The following BRWD1 variants were observed in gnomAD, a reference collection of about 807,000 sequenced individuals.
BRWD1 encodes the protein bromodomain and WD repeat-containing protein 1.
BRWD1 carries 82 observed loss-of-function variants against 251.2 expected under a neutral mutation model. The ratio of observed to expected loss-of-function variants is 0.33; its 90% CI spans 0.27 to 0.39. The LOEUF (loss-of-function observed/expected upper bound fraction) is 0.39. Among genes scored for constraint, BRWD1 ranks in the 10% least tolerant of loss-of-function variants. The pLI is 1.00. For missense variants in BRWD1, 2,233 were observed against 2,711.6 expected, an observed-to-expected ratio of 0.82 and a Z score of 3.92; for synonymous variants, 918 against 902.8, an observed-to-expected ratio of 1.02 and a Z score of -0.30.
rs973173990 is a variant in BRWD1 at position 39,187,854 on chromosome 21, C to T, written c.*8405G>A. 1 of 984,396 alleles carries T rather than the reference C, an allele frequency of 1.0e-6. No homozygotes were observed. The highest frequency in any genetic ancestry group is 1.7e-5 in the African/African-American group (1 of 57,168). The allele number at this position is 984,396 out of a possible 1,614,324, so 61.0% of individuals were successfully genotyped here. ...TTAAGGAACCAAAAAGTGCAGAGTG[C>T]TATGAGAACACAGACTGGAAACCTA... On this transcript the variant is annotated 3_prime_UTR_variant, in exon 41 of 41. Transcript: ENST00000342449.
At position 39,224,115 on chromosome 21, in the gene BRWD1, G is replaced by A. The variant is rs576248609; in HGVS notation, c.3382+293C>T. 6.1e-4 allele frequency among the ~76,000 whole-genome samples: 93 copies of A among 152,220 alleles called. 1 individual carries two copies. The highest frequency in any genetic ancestry group is 9.4e-4 in the Non-Finnish European group (64 of 68,044). ...TCCATCTGCTTTGGCCTCCCAAAGTGCTGAGATTACAGGCGTGAGCCATGG... is the reference window on the plus strand; with the variant it reads ...TCCATCTGCTTTGGCCTCCCAAAGTACTGAGATTACAGGCGTGAGCCATGG... On this transcript the variant is annotated intron_variant, in intron 29 of 40. Coordinates refer to ENST00000342449, the MANE Select transcript of BRWD1 (RefSeq NM_033656.4).
intron 15 of BRWD1, among the ~76,000 whole-genome samples, chr21:39,268,187 A>G (rs1358738705): frequency 6.6e-6 from 1 of 152,148 alleles, no homozygotes; most frequent in Non-Finnish European, 1.5e-5. Context: ...AATTAGTTTA[A>G]TAATTATATT....
chr21:39,207,465 CACACACACACACACACACAA>C (rs2032454163), intron 36 of BRWD1, among the ~76,000 whole-genome samples: 1 of 150,526 alleles, frequency 6.6e-6, no homozygotes, highest in Admixed American at 6.6e-5. Flanking sequence ...CACACACACA[CACACACACACACACACACAA>C]ACAAAACTCC....
chr21:39,236,845 A>G, intron 22 of BRWD1, 61 bp from the exon 23 acceptor site: 2 of 1,409,602 alleles, frequency 1.4e-6, no homozygotes, highest in Non-Finnish European at 2.0e-6. Flanking sequence ...ATAGCAAGTC[A>G]ATCATATAAA....
intron 29 of BRWD1, 83 bp downstream of exon 29, chr21:39,224,325 A>C (rs899801239): frequency 2.7e-6 from 2 of 752,114 alleles, no homozygotes; most frequent in Non-Finnish European, 4.2e-6. Flanking sequence ...ATCATAGAAT[A>C]CAAATATGTT....
In BRWD1 at chr21:39,310,169, G is replaced by A. The variant is rs376479597; in HGVS notation, c.198+2672C>T. ...CCATTGATAGTTTCTTAAAACATAT[G>A]TATACCTCAAACAGAAACCAAAGTA... On this transcript the variant is annotated intron_variant, in intron 4 of 40. Coordinates refer to ENST00000342449, the MANE Select transcript of BRWD1 (RefSeq NM_033656.4). Among the ~76,000 whole-genome samples the A allele has an allele frequency of 4.6e-5, 7 of 152,298 alleles. No homozygotes were observed. The East Asian group carries it at 7.7e-4, about 17-fold the overall frequency.
intron 22 of BRWD1, among the ~76,000 whole-genome samples, chr21:39,238,224 C>T (rs2033876787): frequency 6.8e-6 from 1 of 147,626 alleles, no homozygotes; most frequent in African/African-American, 2.5e-5. Context: ...TAAGTGCAAC[C>T]AAGATTAAAT....
Position 39,188,817 on chromosome 21 carries a change from T to C in BRWD1, c.*7442A>G, listed in dbSNP as rs975309388. On this transcript the variant is annotated 3_prime_UTR_variant, in exon 41 of 41. Transcript: ENST00000342449. ...TCAGTTCCTTTTGCCAACTAACTTA[T>C]GTGATTCACATGTTTTTCCAGTGAA... is the stretch of plus-strand genomic sequence containing the variant. The C allele has an allele frequency of 1.5e-5, 15 of 985,330 alleles. No homozygotes were observed. Among genetic ancestry groups the C allele is most frequent in the South Asian group, 4.7e-5 (1 of 21,296 alleles). The allele number at this position is 985,330 out of a possible 1,614,324, so 61.0% of individuals were successfully genotyped here.
intron 4 of BRWD1, among the ~76,000 whole-genome samples, chr21:39,306,281 G>A (rs35560196): frequency 0.31 from 46,472 of 151,804 alleles, 7,577 homozygotes; most frequent in Non-Finnish European, 0.36. Flanking sequence ...ATGTTGGCCA[G>A]GATGGTCTCG....
At chr21:39,216,816 A>G (rs1343328451) in intron 31 of BRWD1, 5 of 261,826 alleles carry the variant, frequency 1.9e-5, no homozygotes. Context: ...TCAAGGGTAC[A>G]AGTACAGGAT....
At chr21:39,283,527 C>G (rs4818012) in intron 8 of BRWD1, among the ~76,000 whole-genome samples, 141,091 of 152,290 alleles carry the variant, frequency 0.93, 65,709 homozygotes, top group African/African-American at 0.97. Context: ...TTTATTACTT[C>G]TTTATTGCTG....
chr21:39,213,906 T>TA lies in BRWD1; in HGVS notation c.3786-354dup, dbSNP rs987284468. On this transcript the variant is annotated intron_variant, in intron 32 of 40. Coordinates refer to ENST00000342449, the MANE Select transcript of BRWD1 (RefSeq NM_033656.4). The stretch of plus-strand genomic sequence containing the variant: ...TACCAGGAAAACAGTTGATTTAAGG[T>TA]AAAAAAAATATATATATATACATAT... Among the ~76,000 whole-genome samples, 174 of 148,372 alleles carry TA rather than the reference T, an allele frequency of 1.2e-3. 1 individual carries two copies. Among genetic ancestry groups the TA allele is most frequent in the Non-Finnish European group, 9.4e-4 (63 of 67,200 alleles).
At chr21:39,258,115 T>C (rs1369889210) in intron 18 of BRWD1, among the ~76,000 whole-genome samples, 1 of 152,190 alleles carries the variant, frequency 6.6e-6, no homozygotes, top group Non-Finnish European at 1.5e-5. Flanking sequence ...GTTTTCAAAC[T>C]TTCTGATTCA....
intron 4 of BRWD1, among the ~76,000 whole-genome samples, chr21:39,307,881 A>C (rs1314213755): frequency 6.6e-6 from 1 of 152,136 alleles, no homozygotes; most frequent in African/African-American, 2.4e-5. Context: ...ATTGTCCTTG[A>C]CTATAGAGAT....
At chr21:39,260,524 C>T (rs2034707650) in intron 17 of BRWD1, among the ~76,000 whole-genome samples, 1 of 152,144 alleles carries the variant, frequency 6.6e-6, no homozygotes, top group African/African-American at 2.4e-5. Flanking sequence ...ATAATACAAT[C>T]GATACTGAAA....
intron 17 of BRWD1, among the ~76,000 whole-genome samples, chr21:39,259,422 C>T (rs571983060): frequency 6.6e-6 from 1 of 152,264 alleles, no homozygotes; most frequent in African/African-American, 2.4e-5. Flanking sequence ...TCCCGACTAG[C>T]TGGGACTACA....
chr21:39,210,505 C>T (rs561536360), intron 35 of BRWD1, among the ~76,000 whole-genome samples: 1 of 152,218 alleles, frequency 6.6e-6, no homozygotes, highest in East Asian at 1.9e-4. Context: ...ATTCACAGTT[C>T]TCCTAGTGCT....
chr21:39,196,926 G>A lies in BRWD1; in HGVS notation c.6143C>T (p.Ser2048Phe). The change falls in exon 41 of 41, where the codon TCT (serine) becomes TTT (phenylalanine). Residue 2048 changes from serine to phenylalanine, a missense_variant. By Grantham distance (155) the Ser-to-Phe change is radical. This residue lies in a region of BRWD1 where 928 missense variants were observed against 970.0 expected (regional missense o/e 0.96). Transcript: ENST00000342449. ...IDAPSKRKSS[S>F]VTSSGEDSKS... ...TGAATCTTCTCCTGAAGATGTAACA[G>A]AGGAACTTTTTCTTTTAGAAGGTGC... 1 of 1,613,858 alleles carries A rather than the reference G, an allele frequency of 6.2e-7. No individual in the cohort carries two copies. Among genetic ancestry groups the A allele is most frequent in the Middle Eastern group, 1.6e-4 (1 of 6,062 alleles).
At chr21:39,246,146 A>G (rs1476449959) in intron 21 of BRWD1, among the ~76,000 whole-genome samples, 1 of 152,246 alleles carries the variant, frequency 6.6e-6, no homozygotes, top group Non-Finnish European at 1.5e-5. Flanking sequence ...AAATTCTACA[A>G]GTAATATATC....
Sources: gnomAD v4.1 joint callset for allele counts (sites outside exome capture counted in the v4.1 genomes callset) on GRCh38, gnomAD v4.1.1 for gene constraint, gnomAD v4.1.1 regional missense constraint, MANE v1.5 for transcripts, NCBI Gene and HGNC (gene_info 2026-07-23, HGNC 2026-07-21) for gene names.